The following GRIA4 variants were observed in gnomAD, a reference collection of about 807,000 sequenced individuals.
The protein encoded by GRIA4 is glutamate receptor 4.
GRIA4 carries 34 observed loss-of-function variants against 104.0 expected under a neutral mutation model. The ratio of observed to expected loss-of-function variants is 0.33; its 90% CI spans 0.25 to 0.44. The LOEUF (loss-of-function observed/expected upper bound fraction) is 0.44. Ranked by LOEUF, GRIA4 falls within the 20% of genes least tolerant of loss-of-function variation. The pLI is 1.00. For synonymous variants in GRIA4, 386 were observed against 381.9 expected (o/e 1.01, Z -0.13); for missense variants, 750 against 1,096.5 (o/e 0.68, Z 4.46).
chr11:105,747,069 T>C lies in GRIA4; in HGVS notation c.248-5912T>C, dbSNP rs1939703764. ...TCCCATAAGAATTTTGACGTATTTA[T>C]CTGCTCTCAAGTGAACTTTCTGTTC... On this transcript the variant is annotated intron_variant, in intron 3 of 16. Coordinates refer to ENST00000282499, the MANE Select transcript of GRIA4 (RefSeq NM_000829.4). Among the ~76,000 whole-genome samples, 3 of 152,346 alleles carry C rather than the reference T, an allele frequency of 2.0e-5. No homozygotes were observed. In the South Asian group the frequency reaches 6.2e-4, roughly 32 times the overall value.
chr11:105,861,984 G>A (rs756712114), intron 4 of GRIA4, 40 bp from the exon 5 acceptor site: 6 of 1,323,148 alleles, frequency 4.5e-6, no homozygotes, highest in South Asian at 3.6e-5. Flanking sequence ...TTAAAGGGGA[G>A]TAAAAGCATG....
intron 3 of GRIA4, among the ~76,000 whole-genome samples, chr11:105,729,916 C>T (rs778651240): frequency 7.9e-5 from 12 of 152,158 alleles, no homozygotes; most frequent in Non-Finnish European, 1.8e-4. Flanking sequence ...AACCCACAGC[C>T]AATATCATAC....
At chr11:105,778,261 G>C (rs1323590169) in intron 4 of GRIA4, among the ~76,000 whole-genome samples, 1 of 152,124 alleles carries the variant, frequency 6.6e-6, no homozygotes, top group African/African-American at 2.4e-5. Context: ...TTGTGACCTA[G>C]TATTATTTTA....
chr11:105,777,596 T>C (rs1941506231), intron 4 of GRIA4, among the ~76,000 whole-genome samples: 2 of 152,152 alleles, frequency 1.3e-5, no homozygotes, highest in Admixed American at 1.3e-4. Context: ...CCTAAAATAA[T>C]AGATTGTTCA....
chr11:105,955,924 T>C (rs941652593), intron 14 of GRIA4, among the ~76,000 whole-genome samples: 2 of 152,244 alleles, frequency 1.3e-5, no homozygotes, highest in African/African-American at 4.8e-5. Flanking sequence ...TGTCTTCTTT[T>C]GAGACGTGTC....
At chr11:105,781,466 A>G (rs1941723889) in intron 4 of GRIA4, among the ~76,000 whole-genome samples, 1 of 152,110 alleles carries the variant, frequency 6.6e-6, no homozygotes, top group Admixed American at 6.6e-5. Flanking sequence ...TTTTTTAACC[A>G]TAAGTTACGT....
chr11:105,697,479 G>T (rs774341184), intron 3 of GRIA4, among the ~76,000 whole-genome samples: 31 of 152,222 alleles, frequency 2.0e-4, no homozygotes, highest in South Asian at 4.1e-4. Flanking sequence ...GACTGTGAAA[G>T]ATGGGGAGGA....
At chr11:105,880,257 T>C (rs1239952082) in intron 5 of GRIA4, among the ~76,000 whole-genome samples, 4 of 152,218 alleles carry the variant, frequency 2.6e-5, no homozygotes, top group African/African-American at 9.6e-5. Context: ...GTGCTAAGAA[T>C]TGTTCATAGT....
intron 3 of GRIA4, among the ~76,000 whole-genome samples, chr11:105,650,547 C>T (rs565760823): frequency 6.6e-6 from 1 of 152,118 alleles, no homozygotes; most frequent in Admixed American, 6.5e-5. Context: ...CAACCTAAAA[C>T]TCTTGAACAC....
At chr11:105,720,845 T>C (rs1011316598) in intron 3 of GRIA4, among the ~76,000 whole-genome samples, 4 of 152,282 alleles carry the variant, frequency 2.6e-5, no homozygotes, top group African/African-American at 4.8e-5. Context: ...TTCGGAATAG[T>C]GTCCCCCAGT....
At chr11:105,807,236 C>T (rs1005165666) in intron 4 of GRIA4, among the ~76,000 whole-genome samples, 11 of 151,674 alleles carry the variant, frequency 7.3e-5, no homozygotes, top group South Asian at 2.1e-4. Context: ...AATGGGAATA[C>T]GATAACATTG....
intron 4 of GRIA4, among the ~76,000 whole-genome samples, chr11:105,850,212 C>T (rs1195327887): frequency 1.3e-5 from 2 of 152,100 alleles, no homozygotes; most frequent in African/African-American, 4.8e-5. Flanking sequence ...AAACTTGGTT[C>T]CAATTTGTTA....
chr11:105,980,025 C>A lies in GRIA4; in HGVS notation c.*286C>A. 1 of 295,558 alleles carries A rather than the reference C, an allele frequency of 3.4e-6. No homozygotes were observed. Among genetic ancestry groups the A allele is most frequent in the Non-Finnish European group, 6.4e-6 (1 of 155,306 alleles). The allele number at this position is 295,558 out of a possible 1,614,324, so 18.3% of individuals were successfully genotyped here. A position where few individuals can be genotyped will look rare whatever the true frequency, so the allele number is the denominator to read the frequency against. On this transcript the variant is annotated 3_prime_UTR_variant, in exon 17 of 17. Transcript: ENST00000282499. ...TGGGTGTATTAACAGCAACAAATTT[C>A]ATTCGAGTGGACTCAAAAACTAATC...
intron 3 of GRIA4, among the ~76,000 whole-genome samples, chr11:105,623,538 A>T (rs1488354124): frequency 6.6e-6 from 1 of 151,914 alleles, no homozygotes; most frequent in African/African-American, 2.4e-5. Context: ...CTTGTTCACC[A>T]TTCTGGGGTC....
At position 105,976,957 on chromosome 11, in the gene GRIA4, A is replaced by G. The variant is rs568614483; in HGVS notation, c.2544+2513A>G. 2.6e-5 allele frequency among the ~76,000 whole-genome samples: 4 copies of G among 152,160 alleles called. No homozygotes were observed. In the East Asian group the frequency reaches 7.7e-4, roughly 29 times the overall value. ...AAAGTTTTATTAAGTAATACACTTC[A>G]TTGCATTAATCTATAAAATAGGAGG... On this transcript the variant is annotated intron_variant, in intron 16 of 16. Coordinates refer to ENST00000282499, the MANE Select transcript of GRIA4 (RefSeq NM_000829.4).
At chr11:105,886,662 A>C (rs1946273222) in intron 5 of GRIA4, among the ~76,000 whole-genome samples, 3 of 152,144 alleles carry the variant, frequency 2.0e-5, no homozygotes, top group Admixed American at 2.0e-4. Context: ...TGTCTTTGAC[A>C]ATGAACGTAC....
intron 3 of GRIA4, among the ~76,000 whole-genome samples, chr11:105,679,066 T>A (rs1952630762): frequency 6.6e-6 from 1 of 152,020 alleles, no homozygotes; most frequent in Non-Finnish European, 1.5e-5. Context: ...AGAAAAAAAA[T>A]CTGGCTCACA....
chr11:105,765,377 A>G (rs1328039789), intron 4 of GRIA4, among the ~76,000 whole-genome samples: 3 of 152,250 alleles, frequency 2.0e-5, no homozygotes, highest in Non-Finnish European at 4.4e-5. Flanking sequence ...CATCAACAAC[A>G]ATAGCAAAGG....
At position 105,812,909 on chromosome 11, in the gene GRIA4, G is replaced by A. The variant is rs112035897; in HGVS notation, c.488-49115G>A. ...GAGGTCAGGAGATCGAGACCATCCC[G>A]GCTAACATGGTGAAACCCCGTCTCT... is the stretch of plus-strand genomic sequence containing the variant. On this transcript the variant is annotated intron_variant, in intron 4 of 16. Coordinates refer to ENST00000282499, the MANE Select transcript of GRIA4 (RefSeq NM_000829.4). Among the ~76,000 whole-genome samples, 1,367 of 151,920 alleles carry A rather than the reference G, an allele frequency of 9.0e-3. 20 individuals carry two copies. The highest frequency in any genetic ancestry group is 0.031 in the African/African-American group (1,285 of 41,438).
Sources: allele counts gnomAD v4.1 joint callset (sites outside exome capture counted in the v4.1 genomes callset), GRCh38; gene constraint gnomAD v4.1.1; transcripts MANE v1.5; gene names NCBI Gene and HGNC (gene_info 2026-07-23, HGNC 2026-07-21).